The following EXOC6B variants were observed in gnomAD, a reference collection of about 807,000 sequenced individuals.
The protein encoded by EXOC6B is SEC15 homolog B.
EXOC6B carries 54 observed loss-of-function variants against 113.5 expected under a neutral mutation model. That is an observed-to-expected ratio of 0.48 (90% CI 0.38 to 0.60). The LOEUF (loss-of-function observed/expected upper bound fraction) is 0.60, where lower values mean the gene tolerates loss of function less well. Ranked by LOEUF, EXOC6B falls within the 20% of genes least tolerant of loss-of-function variation. The probability of loss-of-function intolerance (pLI) is 0.00; values close to 1 mark genes in which losing one functional copy is unlikely to be tolerated. For missense variants in EXOC6B, 797 were observed against 977.5 expected, an observed-to-expected ratio of 0.82 and a Z score of 2.46; for synonymous variants, 357 against 339.0, an observed-to-expected ratio of 1.05 and a Z score of -0.58.
rs1047085127 is a variant in EXOC6B at position 72,825,971 on chromosome 2, C to T, written c.-61G>A. 2.5e-5 allele frequency: 40 copies of T among 1,585,612 alleles called. No individual in the cohort carries two copies. Among genetic ancestry groups the T allele is most frequent in the Non-Finnish European group, 3.4e-5 (40 of 1,169,830 alleles). On this transcript the variant is annotated 5_prime_UTR_variant, in exon 1 of 22. Coordinates refer to ENST00000272427, the MANE Select transcript of EXOC6B (RefSeq NM_015189.3). This position sits in a 1 kb window ranked among gnomAD's most constrained non-coding sequence, Gnocchi z 4.4. ...GGCTCGGCTCACCTTTTCCCTGCCCCACAATGCCGCTCCCACCACAGGCTC... is the reference window on the plus strand; with the variant it reads ...GGCTCGGCTCACCTTTTCCCTGCCCTACAATGCCGCTCCCACCACAGGCTC...
At chr2:72,561,313 TAA>T (rs1703872795) in intron 7 of EXOC6B, among the ~76,000 whole-genome samples, 1 of 152,152 alleles carries the variant, frequency 6.6e-6, no homozygotes, top group Non-Finnish European at 1.5e-5. Context: ...AAAAAATATT[TAA>T]AAGTTTGATC....
intron 18 of EXOC6B, among the ~76,000 whole-genome samples, chr2:72,430,620 C>A (rs1695466835): frequency 6.6e-6 from 1 of 152,170 alleles, no homozygotes; most frequent in Non-Finnish European, 1.5e-5. Flanking sequence ...ACACTCCAGC[C>A]TGGACAACAG....
intron 1 of EXOC6B, among the ~76,000 whole-genome samples, chr2:72,807,777 T>C (rs11894812): frequency 1.5e-4 from 22 of 151,528 alleles, no homozygotes; most frequent in Admixed American, 1.4e-3. Flanking sequence ...GAGTAGAAGG[T>C]TGGTTACCAG....
At chr2:72,443,209 G>C (rs1318124932) in intron 18 of EXOC6B, among the ~76,000 whole-genome samples, 1 of 151,636 alleles carries the variant, frequency 6.6e-6, no homozygotes, top group Non-Finnish European at 1.5e-5. Context: ...TGTAGTTCCA[G>C]CTACTCAGGA....
intron 18 of EXOC6B, among the ~76,000 whole-genome samples, chr2:72,380,659 G>A (rs1691626820): frequency 6.6e-6 from 1 of 151,928 alleles, no homozygotes; most frequent in South Asian, 2.1e-4. Context: ...GAAGGGGAGG[G>A]GAGGGGAAGG....
At chr2:72,450,822 T>G (rs949879700) in intron 18 of EXOC6B, among the ~76,000 whole-genome samples, 5 of 152,182 alleles carry the variant, frequency 3.3e-5, no homozygotes, top group Admixed American at 2.0e-4. Context: ...AGAGCTAGAC[T>G]AGGACTAGAA....
chr2:72,223,458 G>A (rs1445056060), intron 20 of EXOC6B, among the ~76,000 whole-genome samples: 1 of 152,130 alleles, frequency 6.6e-6, no homozygotes, highest in African/African-American at 2.4e-5. Context: ...AGCCAGAAGG[G>A]TTAGCATCTC....
At chr2:72,203,636 T>C (rs1679636349) in intron 20 of EXOC6B, among the ~76,000 whole-genome samples, 2 of 152,224 alleles carry the variant, frequency 1.3e-5, no homozygotes, top group South Asian at 4.1e-4. Context: ...TAAGAGATTA[T>C]AGAAGCTAGT....
intron 1 of EXOC6B, among the ~76,000 whole-genome samples, chr2:72,796,354 G>A (rs1020253463): frequency 2.0e-5 from 3 of 151,176 alleles, no homozygotes; most frequent in African/African-American, 7.3e-5. Flanking sequence ...TCGGGAGACT[G>A]AGGCAGGAGA....
intron 1 of EXOC6B, among the ~76,000 whole-genome samples, chr2:72,749,380 C>G (rs557490825): frequency 2.6e-5 from 4 of 152,070 alleles, no homozygotes; most frequent in African/African-American, 4.8e-5. Context: ...TAGTATCTAT[C>G]ATCAACATAA....
intron 21 of EXOC6B, among the ~76,000 whole-genome samples, chr2:72,183,335 A>T (rs1678211980): frequency 1.3e-5 from 2 of 152,220 alleles, no homozygotes; most frequent in Non-Finnish European, 2.9e-5. Flanking sequence ...GCTCTCTAAT[A>T]GATTAGCAAA....
chr2:72,179,331 C>T lies in EXOC6B; in HGVS notation c.*4G>A, dbSNP rs1677938966. ...GGTCGCCTCTGTGGGTCCGGGGTCACCCTTCATGAGTGGTGGCTGCTGATG... is the reference window on the plus strand; with the variant it reads ...GGTCGCCTCTGTGGGTCCGGGGTCATCCTTCATGAGTGGTGGCTGCTGATG... On this transcript the variant is annotated 3_prime_UTR_variant, in exon 22 of 22. Coordinates refer to ENST00000272427, the MANE Select transcript of EXOC6B (RefSeq NM_015189.3). The T allele has an allele frequency of 6.2e-7, 1 of 1,602,510 alleles. No homozygotes were observed. The highest frequency in any genetic ancestry group is 1.3e-5 in the African/African-American group (1 of 74,734).
At chr2:72,485,110 T>C (rs1699348725) in intron 16 of EXOC6B, among the ~76,000 whole-genome samples, 1 of 152,158 alleles carries the variant, frequency 6.6e-6, no homozygotes, top group African/African-American at 2.4e-5. Context: ...TCCTATTTCT[T>C]GTGGAGGTAA....
chr2:72,435,714 C>CT (rs796854472), intron 18 of EXOC6B, among the ~76,000 whole-genome samples: 3,772 of 126,452 alleles, frequency 0.03, 162 homozygotes, highest in African/African-American at 0.13. Context: ...GCATCCCCTG[C>CT]TTTTTTTTTG....
chr2:72,584,217 G>C (rs1389345486), intron 6 of EXOC6B, among the ~76,000 whole-genome samples: 1 of 150,864 alleles, frequency 6.6e-6, no homozygotes, highest in Non-Finnish European at 1.5e-5. Context: ...TGCAAGTAGG[G>C]TTAAAAAAAA....
At chr2:72,417,649 C>T (rs1294622476) in intron 18 of EXOC6B, among the ~76,000 whole-genome samples, 1 of 152,094 alleles carries the variant, frequency 6.6e-6, no homozygotes, top group African/African-American at 2.4e-5. Flanking sequence ...TGCACATACA[C>T]AAAATTCAAT....
chr2:72,814,385 A>G (rs962046584), intron 1 of EXOC6B, among the ~76,000 whole-genome samples: 64 of 152,330 alleles, frequency 4.2e-4, no homozygotes, highest in African/African-American at 1.5e-3. Context: ...TAATTAATCA[A>G]TTATCAAACC....
At chr2:72,572,525 T>C (rs1016957581) in intron 7 of EXOC6B, among the ~76,000 whole-genome samples, 3 of 152,224 alleles carry the variant, frequency 2.0e-5, no homozygotes, top group Non-Finnish European at 2.9e-5. Context: ...TTTATCAATC[T>C]TTCAAAGTAA....
Position 72,825,697 on chromosome 2 carries a change from C to T in EXOC6B, c.113+101G>A. 1 of 1,339,582 alleles carries T rather than the reference C, an allele frequency of 7.5e-7. No homozygotes were observed. 83.0% of individuals were successfully genotyped at this position (1,339,582 alleles called of 1,614,324 possible). A position where few individuals can be genotyped will look rare whatever the true frequency, so the allele number is the denominator to read the frequency against. On this transcript the variant is annotated intron_variant, in intron 1 of 21. Transcript: ENST00000272427. This position sits in a 1 kb window ranked among gnomAD's most constrained non-coding sequence, Gnocchi z 4.4. ...TGCAGGGTCTCTCCGAAGGGAGGGG[C>T]CGGCGCCGGACCTGGGGACAGCCGG...
Sources: allele counts gnomAD v4.1 joint callset (sites outside exome capture counted in the v4.1 genomes callset), GRCh38; gene constraint gnomAD v4.1.1; non-coding constraint Gnocchi (gnomAD v3.1); transcripts MANE v1.5; gene names NCBI Gene and HGNC (gene_info 2026-07-23, HGNC 2026-07-21).